The following HOTAIR variants were observed in gnomAD, a reference collection of about 807,000 sequenced individuals.
The protein encoded by HOTAIR is HOX transcript antisense RNA (non-protein coding).
chr12:53,972,028 G>T (rs1238024859), intron 1 of HOTAIR, among the ~76,000 whole-genome samples: 6 of 152,148 alleles, frequency 3.9e-5, no homozygotes, highest in Non-Finnish European at 8.8e-5. Flanking sequence ...AGCATCCACC[G>T]CTCCTTTCCA....
Position 53,973,141 on chromosome 12 carries a change from G to A in HOTAIR, n.59+1757C>T. The A allele has an allele frequency of 1.2e-6, 1 of 853,032 alleles. No homozygotes were observed. The highest frequency in any genetic ancestry group is 1.8e-6 in the Non-Finnish European group (1 of 558,232). The allele number at this position is 853,032 out of a possible 1,614,324, so 52.8% of individuals were successfully genotyped here. The stretch of plus-strand genomic sequence containing the variant: ...TTTGGATCACGTGCTCAGAGAGAGA[G>A]AGACTAAGACGGATAACGCGTCATC... On this transcript the variant is annotated intron_variant and non_coding_transcript_variant, in intron 1 of 6. Coordinates refer to ENST00000424518, the Ensembl canonical transcript of HOTAIR. This position sits in a 1 kb window ranked among gnomAD's most constrained non-coding sequence, Gnocchi z 4.3.
chr12:53,972,881 C>G (rs976663227), intron 1 of HOTAIR, among the ~76,000 whole-genome samples: 1 of 152,122 alleles, frequency 6.6e-6, no homozygotes, highest in African/African-American at 2.4e-5. Context: ...CCAGCCACCA[C>G]CCTCGCCCAT....
At chr12:53,966,107 G>T (rs1312089309) in intron 4 of HOTAIR, 1 of 152,242 alleles carries the variant, frequency 6.6e-6, no homozygotes, top group Non-Finnish European at 1.5e-5. Context: ...GGGTGAGCCG[G>T]CCGGGGAAAG....
At chr12:53,970,275 G>T (rs1939127148) in intron 1 of HOTAIR, among the ~76,000 whole-genome samples, 1 of 152,212 alleles carries the variant, frequency 6.6e-6, no homozygotes, top group Non-Finnish European at 1.5e-5. Context: ...GCTTGACAAG[G>T]AAGGGATTGG....
intron 1 of HOTAIR, among the ~76,000 whole-genome samples, chr12:53,970,253 C>T (rs762836625): frequency 2.0e-5 from 3 of 152,202 alleles, no homozygotes; most frequent in Admixed American, 6.5e-5. Flanking sequence ...ACAAATAAGC[C>T]ACCTGGAGCG....
chr12:53,970,919 TG>T (rs1939137604), intron 1 of HOTAIR, among the ~76,000 whole-genome samples: 1 of 152,096 alleles, frequency 6.6e-6, no homozygotes, highest in South Asian at 2.1e-4. Context: ...GAGCCTTGGG[TG>T]GAAGTGGAGA....
At chr12:53,974,029 G>A in intron 1 of HOTAIR, 1 of 906,570 alleles carries the variant, frequency 1.1e-6, no homozygotes, top group African/African-American at 1.7e-5. Context: ...CTCGTGTTTT[G>A]GGTCAGTCCG....
At chr12:53,969,652 A>G (rs1176859828) in intron 1 of HOTAIR, among the ~76,000 whole-genome samples, 1 of 152,230 alleles carries the variant, frequency 6.6e-6, no homozygotes, top group East Asian at 1.9e-4. Context: ...AAATATAGGC[A>G]AGAAGGTGAA....
At chr12:53,972,099 C>A (rs980945887) in intron 1 of HOTAIR, among the ~76,000 whole-genome samples, 3 of 152,158 alleles carry the variant, frequency 2.0e-5, no homozygotes, top group Non-Finnish European at 4.4e-5. Flanking sequence ...TTACAGTCCT[C>A]AAAATCATCC....
chr12:53,971,146 G>A (rs547389991), intron 1 of HOTAIR, among the ~76,000 whole-genome samples: 1 of 152,100 alleles, frequency 6.6e-6, no homozygotes, highest in Non-Finnish European at 1.5e-5. Flanking sequence ...TCTATAAAAA[G>A]GGCTAGAGGA....
In HOTAIR at chr12:53,973,687, A is replaced by T. The variant is rs761028254; in HGVS notation, n.59+1211T>A. 6.2e-7 allele frequency: 1 copy of T among 1,613,542 alleles called. No individual in the cohort carries two copies. Among genetic ancestry groups the T allele is most frequent in the South Asian group, 1.1e-5 (1 of 91,076 alleles). On this transcript the variant is annotated intron_variant and non_coding_transcript_variant, in intron 1 of 6. Coordinates refer to ENST00000424518, the Ensembl canonical transcript of HOTAIR. The surrounding 1 kb of genome is among the most constrained non-coding windows in gnomAD (Gnocchi z 4.3). Reference sequence around the variant, plus strand: ...GTCAACAAGAACAGCGTCCTGCCTCAAGCCTTCGACCGTTTCTTCGACAAC... The same window carrying T: ...GTCAACAAGAACAGCGTCCTGCCTCTAGCCTTCGACCGTTTCTTCGACAAC...
At position 53,973,105 on chromosome 12, in the gene HOTAIR, A is replaced by T; in HGVS notation, n.59+1793T>A. On this transcript the variant is annotated intron_variant and non_coding_transcript_variant, in intron 1 of 6. Coordinates refer to ENST00000424518, the Ensembl canonical transcript of HOTAIR. This position sits in a 1 kb window ranked among gnomAD's most constrained non-coding sequence, Gnocchi z 4.3. ...GCGAAGTGCTCCGAACTGATATATG[A>T]CAATATCTACTTTGGATCACGTGCT... 1 of 661,070 alleles carries T rather than the reference A, an allele frequency of 1.5e-6. No homozygotes were observed. The highest frequency in any genetic ancestry group is 2.5e-6 in the Non-Finnish European group (1 of 396,852). The allele number at this position is 661,070 out of a possible 1,614,324, so 41.0% of individuals were successfully genotyped here.
intron 1 of HOTAIR, among the ~76,000 whole-genome samples, chr12:53,972,502 T>G (rs1565713719): frequency 1.3e-5 from 2 of 152,184 alleles, no homozygotes; most frequent in Non-Finnish European, 2.9e-5. Flanking sequence ...CAGACAAAGT[T>G]GGGACACTGG....
At chr12:53,966,692 C>T (rs1305609501) in intron 3 of HOTAIR, 5 of 152,280 alleles carry the variant, frequency 3.3e-5, no homozygotes, top group Non-Finnish European at 7.3e-5. Context: ...CAGCGATCCC[C>T]GAGCGCTGAG....
chr12:53,973,549 A>G lies in HOTAIR; in HGVS notation n.59+1349T>C. ...GCGGCCGACGAGCTTATGCACCGGG[A>G]GTGCCTGCCTCCTTCCACCGTCACC... On this transcript the variant is annotated intron_variant and non_coding_transcript_variant, in intron 1 of 6. Transcript: ENST00000424518. This position sits in a 1 kb window ranked among gnomAD's most constrained non-coding sequence, Gnocchi z 4.3. 1.2e-6 allele frequency: 2 copies of G among 1,612,978 alleles called. No homozygotes were observed. Among genetic ancestry groups the G allele is most frequent in the South Asian group, 1.1e-5 (1 of 91,054 alleles).
At chr12:53,966,251 T>A (rs1939051091) in intron 4 of HOTAIR, 2 of 152,002 alleles carry the variant, frequency 1.3e-5, no homozygotes, top group Non-Finnish European at 2.9e-5. Flanking sequence ...GCCTCTCTTT[T>A]TCTCTATCTC....
At chr12:53,974,481 A>G (rs2136376657) in intron 1 of HOTAIR, among the ~76,000 whole-genome samples, 1 of 151,596 alleles carries the variant, frequency 6.6e-6, no homozygotes, top group South Asian at 2.1e-4. Context: ...TGTTCAAACT[A>G]TGTGTTCGCG....
intron 1 of HOTAIR, among the ~76,000 whole-genome samples, chr12:53,970,300 T>C (rs538250919): frequency 8.5e-5 from 13 of 152,294 alleles, no homozygotes; most frequent in African/African-American, 3.1e-4. Context: ...CAGGGATGGC[T>C]CCTGTACAGG....
chr12:53,966,801 C>A (rs1419158577), intron 3 of HOTAIR, among the ~76,000 whole-genome samples: 1 of 136,324 alleles, frequency 7.3e-6, no homozygotes, highest in East Asian at 2.2e-4. Context: ...ACAGGGAGAC[C>A]GGGAGCGTAA....
Sources: gnomAD v4.1 joint callset for allele counts (sites outside exome capture counted in the v4.1 genomes callset) on GRCh38, gnomAD v4.1.1 for gene constraint, Gnocchi (gnomAD v3.1) non-coding constraint, MANE v1.5 for transcripts, NCBI Gene and HGNC (gene_info 2026-07-23, HGNC 2026-07-21) for gene names.